KRT82: variants seen among roughly 807,000 people sequenced by gnomAD.
KRT82 encodes keratin 82, also known as keratin, type II cuticular Hb2.
KRT82 carries 44 observed loss-of-function variants against 48.0 expected under a neutral mutation model. The ratio of observed to expected loss-of-function variants is 0.92; its 90% confidence interval spans 0.72 to 1.18. The LOEUF (loss-of-function observed/expected upper bound fraction) is 1.18. Ranked by LOEUF, KRT82 falls within the 50% of genes most tolerant of loss-of-function variation. The probability of loss-of-function intolerance (pLI) is 0.00; values close to 1 mark genes in which losing one functional copy is unlikely to be tolerated. For synonymous variants in KRT82, 297 were observed against 278.3 expected (o/e 1.07, Z -0.67); for missense variants, 701 against 671.4 (o/e 1.04, Z -0.49).
In KRT82 at chr12:52,405,930, T is replaced by C. The variant is rs777456144; in HGVS notation, c.348A>G (p.Val116=). 10 of 1,614,122 alleles carry C rather than the reference T, an allele frequency of 6.2e-6. No homozygotes were observed. The highest frequency in any genetic ancestry group is 3.3e-4 in the Middle Eastern group (2 of 6,084). The change falls in exon 1 of 9, where the codon GTA becomes GTG. Residue 116 remains valine (V), a synonymous_variant. Coordinates refer to ENST00000257974, the MANE Select transcript of KRT82 (RefSeq NM_033033.4). ...ALEIDPTVQR[V]KRDEKEQIKC... The stretch of plus-strand genomic sequence containing the variant: ...TGATCTGCTCCTTCTCATCCCTCTT[T>C]ACCCTCTGCACAGTCGGGTCTATCT...
At position 52,396,355 on chromosome 12, in the gene KRT82, G is replaced by C. The variant is rs1592152565; in HGVS notation, c.1069-123C>G. ...GCTCACATTTGCGAGCTTCATCCTA[G>C]GATTGCGACATCTGGTTCCTCCAGG... On this transcript the variant is annotated intron_variant, in intron 6 of 8. Coordinates refer to ENST00000257974, the MANE Select transcript of KRT82 (RefSeq NM_033033.4). 10 of 863,080 alleles carry C rather than the reference G, an allele frequency of 1.2e-5. No homozygotes were observed. The East Asian group carries it at 2.7e-4, about 23-fold the overall frequency. 53.5% of individuals were successfully genotyped at this position (863,080 alleles called of 1,614,324 possible).
At position 52,396,819 on chromosome 12, in the gene KRT82, C is replaced by T. The variant is rs190283205; in HGVS notation, c.1068+64G>A. 694 of 1,596,664 alleles carry T rather than the reference C, an allele frequency of 4.3e-4. 1 individual carries two copies. In the African/African-American group the frequency reaches 6.5e-3, roughly 15 times the overall value. On this transcript the variant is annotated intron_variant, in intron 6 of 8. Coordinates refer to ENST00000257974, the MANE Select transcript of KRT82 (RefSeq NM_033033.4). Reference sequence around the variant, plus strand: ...CAGCAAGGATTGAACCCGCCCTGCACGGCACAGACTGGCCAGTCAGCCCAG... The same window carrying T: ...CAGCAAGGATTGAACCCGCCCTGCATGGCACAGACTGGCCAGTCAGCCCAG...
intron 1 of KRT82, 136 bp downstream of exon 1, chr12:52,405,731 G>A: frequency 1.3e-6 from 1 of 788,978 alleles, no homozygotes; most frequent in Non-Finnish European, 2.0e-6. Flanking sequence ...TGGTGGTCGT[G>A]GAATGTGAGG....
chr12:52,395,595 T>C (rs913380665), intron 8 of KRT82, among the ~76,000 whole-genome samples, 164 bp downstream of exon 8: 12 of 152,114 alleles, frequency 7.9e-5, no homozygotes, highest in Non-Finnish European at 1.3e-4. Context: ...CCCAAAAGAT[T>C]TGGATAGCCC....
chr12:52,394,390 G>GC lies in KRT82; in HGVS notation c.*584dup, dbSNP rs1276830277. 3 of 153,790 alleles carry GC rather than the reference G, an allele frequency of 2.0e-5. No homozygotes were observed. Among genetic ancestry groups the GC allele is most frequent in the African/African-American group, 7.2e-5 (3 of 41,456 alleles). 9.5% of individuals were successfully genotyped at this position (153,790 alleles called of 1,614,324 possible). On this transcript the variant is annotated 3_prime_UTR_variant, in exon 9 of 9. Transcript: ENST00000257974. The stretch of plus-strand genomic sequence containing the variant: ...ACATACCTGAGAAAGTAAATCTACT[G>GC]CCCAAAGGCCACCTCTTGATTCTCT...
chr12:52,400,657 G>A lies in KRT82; in HGVS notation c.682-35C>T, dbSNP rs760104695. On this transcript the variant is annotated intron_variant, in intron 3 of 8. Coordinates refer to ENST00000257974, the MANE Select transcript of KRT82 (RefSeq NM_033033.4). ...AGCAGGGACAGAATGTGACCTGGCT[G>A]GGCCACCTCCCAGGCAAGCTGGTGG... 3.3e-6 allele frequency: 5 copies of A among 1,497,104 alleles called. No individual in the cohort carries two copies. The Admixed American group carries it at 5.0e-5, about 15-fold the overall frequency. The allele number at this position is 1,497,104 out of a possible 1,614,324, so 92.7% of individuals were successfully genotyped here.
rs765342941 is a variant in KRT82, at chr12:52,403,830, T to A, written c.491A>T (p.Asn164Ile). 3.7e-6 allele frequency: 6 copies of A among 1,613,914 alleles called. No individual in the cohort carries two copies. Among genetic ancestry groups the A allele is most frequent in the Non-Finnish European group, 5.1e-6 (6 of 1,180,000 alleles). The change falls in exon 2 of 9, where the codon AAC (asparagine) becomes ATC (isoleucine). Residue 164 changes from asparagine to isoleucine, a missense_variant. Physicochemically the swap from Asn to Ile is moderately radical, Grantham distance 149 (BLOSUM62 -3). Transcript: ENST00000257974. ...ATAGCCCTCGAAGATGGGCTCGATG[T>A]TGGTCTGGCAGCACCTCTGCTGCTG... Reference protein sequence around the residue: ...FMQQQRCCQTNIEPIFEGYIS... With the variant: ...FMQQQRCCQTIIEPIFEGYIS...
At chr12:52,405,716 A>G in intron 1 of KRT82, 151 bp downstream of exon 1, 1 of 695,014 alleles carries the variant, frequency 1.4e-6, no homozygotes, top group South Asian at 2.3e-5. Context: ...CTGGCTTTCA[A>G]AGGCTGGTGG....
intron 2 of KRT82, 34 bp downstream of exon 2, chr12:52,403,667 G>C (rs1203028993): frequency 2.2e-6 from 3 of 1,337,364 alleles, no homozygotes; most frequent in Admixed American, 3.4e-5. Context: ...CTTGCCCCAG[G>C]TCCACCAGTG....
At chr12:52,403,930 T>C (rs757669731) in intron 1 of KRT82, 21 bp from the exon 2 acceptor site, 9 of 1,609,528 alleles carry the variant, frequency 5.6e-6, no homozygotes, top group Non-Finnish European at 1.7e-6. Flanking sequence ...GAATGGAATA[T>C]CACCAGGCAG....
rs184104307 is a variant in KRT82 at position 52,401,567 on chromosome 12, C to T, written c.621-218G>A. 1.7e-3 allele frequency among the ~76,000 whole-genome samples: 258 copies of T among 152,282 alleles called. 1 individual carries two copies. The highest frequency in any genetic ancestry group is 2.8e-3 in the Admixed American group (43 of 15,302). On this transcript the variant is annotated intron_variant, in intron 2 of 8. Coordinates refer to ENST00000257974, the MANE Select transcript of KRT82 (RefSeq NM_033033.4). The stretch of plus-strand genomic sequence containing the variant: ...TACTCTTCTCCCCATTCCTCAGGAA[C>T]CTTCTCCCGCGATGAGTCCTCCCTG...
intron 5 of KRT82, among the ~76,000 whole-genome samples, chr12:52,398,055 T>C (rs994080865): frequency 5.9e-5 from 9 of 151,954 alleles, no homozygotes; most frequent in African/African-American, 2.2e-4. Context: ...CATCTCAAAA[T>C]AAACAAACAA....
intron 1 of KRT82, among the ~76,000 whole-genome samples, chr12:52,404,124 A>G (rs577282266): frequency 3.3e-5 from 5 of 151,992 alleles, no homozygotes; most frequent in South Asian, 2.1e-4. Flanking sequence ...CCTACTTTCC[A>G]CTCAGAGGTT....
In KRT82 at chr12:52,396,090, T is replaced by A; in HGVS notation, c.1211A>T (p.Gln404Leu). 4 of 1,614,208 alleles carry A rather than the reference T, an allele frequency of 2.5e-6. No homozygotes were observed. Among genetic ancestry groups the A allele is most frequent in the Non-Finnish European group, 3.4e-6 (4 of 1,180,040 alleles). The change falls in exon 7 of 9, where the codon CAG becomes CTG. Residue 404 changes from glutamine (Q) to leucine (L), a missense_variant. Physicochemically the swap from Gln to Leu is moderately radical, Grantham distance 113 (BLOSUM62 -2). Transcript: ENST00000257974. ...QDMACLLKEY[Q>L]EVMNSKLGLD... ...GCCCAGCTTGGAGTTCATCACCTCC[T>A]GATATTCCTTGAGCAGGCAGGCCAT...
In KRT82 at chr12:52,395,329, G is replaced by T. The variant is rs188588818; in HGVS notation, c.1322-134C>A. The stretch of plus-strand genomic sequence containing the variant: ...TACAGACACCCCATTCCAGCCTCCA[G>T]CCTCCGCGTCTCCCACCCTAGCCAC... On this transcript the variant is annotated intron_variant, in intron 8 of 8. Transcript: ENST00000257974. 197 of 704,390 alleles carry T rather than the reference G, an allele frequency of 2.8e-4. No individual in the cohort carries two copies. In the African/African-American group the frequency reaches 3.3e-3, roughly 12 times the overall value. The allele number at this position is 704,390 out of a possible 1,614,324, so 43.6% of individuals were successfully genotyped here. A position where few individuals can be genotyped will look rare whatever the true frequency, so the allele number is the denominator to read the frequency against.
chr12:52,401,154 C>A (rs971440153), intron 3 of KRT82, 135 bp downstream of exon 3: 17 of 662,350 alleles, frequency 2.6e-5, no homozygotes, highest in African/African-American at 2.0e-4. Context: ...GGGGCTGGCA[C>A]AGGAGTCTGA....
At position 52,403,828 on chromosome 12, in the gene KRT82, T is replaced by G; in HGVS notation, c.493A>C (p.Ile165Leu). 1 of 1,613,880 alleles carries G rather than the reference T, an allele frequency of 6.2e-7. No individual in the cohort carries two copies. The highest frequency in any genetic ancestry group is 8.5e-7 in the Non-Finnish European group (1 of 1,179,972). ...MQQQRCCQTN[I>L]EPIFEGYISA... ...ATATAGCCCTCGAAGATGGGCTCGA[T>G]GTTGGTCTGGCAGCACCTCTGCTGC... Residue 165 changes from isoleucine to leucine, a missense_variant, in exon 2 of 9, where the codon ATC becomes CTC. Physicochemically the swap from Ile to Leu is conservative, Grantham distance 5. Transcript: ENST00000257974.
intron 5 of KRT82, among the ~76,000 whole-genome samples, chr12:52,398,642 A>G (rs1727534193): frequency 1.3e-5 from 2 of 152,108 alleles, no homozygotes; most frequent in Admixed American, 1.3e-4. Flanking sequence ...AACCAGAGGA[A>G]GGGCCAGCCA....
At chr12:52,398,415 T>C (rs1939741799) in intron 5 of KRT82, among the ~76,000 whole-genome samples, 1 of 152,024 alleles carries the variant, frequency 6.6e-6, no homozygotes, top group Admixed American at 6.5e-5. Flanking sequence ...AGAATCTCTG[T>C]GTCATCCTGG....
Sources: gnomAD v4.1 joint callset for allele counts (sites outside exome capture counted in the v4.1 genomes callset) on GRCh38, gnomAD v4.1.1 for gene constraint, MANE v1.5 for transcripts, NCBI Gene and HGNC (gene_info 2026-07-23, HGNC 2026-07-21) for gene names.